ASB14: variants seen among roughly 807,000 people sequenced by gnomAD.
The protein encoded by ASB14 is ankyrin repeat and SOCS box protein 14.
In ASB14, 63 loss-of-function variants were observed where a neutral mutation model predicts 55.6. That is an observed-to-expected ratio of 1.13 (90% CI 0.92 to 1.40). The LOEUF (loss-of-function observed/expected upper bound fraction) is 1.40, where lower values mean the gene tolerates loss of function less well. Among genes scored for constraint, ASB14 ranks in the 40% most tolerant of loss-of-function variants. The pLI is 0.00. For missense variants in ASB14, 724 were observed against 710.4 expected, an observed-to-expected ratio of 1.02 and a Z score of -0.22; for synonymous variants, 256 against 259.9, an observed-to-expected ratio of 0.98 and a Z score of 0.15.
intron 5 of ASB14, among the ~76,000 whole-genome samples, chr3:57,284,352 A>G (rs1434941772): frequency 6.6e-6 from 1 of 151,844 alleles, no homozygotes. Context: ...CTGGTCTTAA[A>G]CCCCTGGGTT....
Position 57,278,655 on chromosome 3 carries a change from C to CT in ASB14, c.1152dup (p.Asp385ArgfsTer4). On this transcript the variant is annotated frameshift_variant, in exon 8 of 11. Transcript: ENST00000487349. LOFTEE classifies it high-confidence loss of function. ...GCTATCTGGAGGCAGTTAACCGGGT[C>CT]TTGATTAGGCAGAGCTCCAGCACTC... is the stretch of plus-strand genomic sequence containing the variant. 2 of 1,614,154 alleles carry CT rather than the reference C, an allele frequency of 1.2e-6. No individual in the cohort carries two copies. Among genetic ancestry groups the CT allele is most frequent in the Non-Finnish European group, 1.7e-6 (2 of 1,180,034 alleles).
chr3:57,268,429 T>A lies in ASB14; in HGVS notation c.*1212A>T, dbSNP rs948238422. On this transcript the variant is annotated 3_prime_UTR_variant, in exon 11 of 11. Coordinates refer to ENST00000487349, the MANE Select transcript of ASB14 (RefSeq NM_001142733.3). ...AGGGCATCAGAAAAACAAAAAGAAATAGAGAGAGTAAAAGAGAAGCAACAG... is the reference window on the plus strand; with the variant it reads ...AGGGCATCAGAAAAACAAAAAGAAAAAGAGAGAGTAAAAGAGAAGCAACAG... 3.1e-6 allele frequency: 5 copies of A among 1,600,246 alleles called. No homozygotes were observed. The highest frequency in any genetic ancestry group is 4.3e-6 in the Non-Finnish European group (5 of 1,172,142).
At chr3:57,283,656 A>G (rs2061056192) in intron 5 of ASB14, among the ~76,000 whole-genome samples, 2 of 152,226 alleles carry the variant, frequency 1.3e-5, no homozygotes, top group African/African-American at 2.4e-5. Context: ...TCTGTAAGCC[A>G]TGAGTAATTA....
At chr3:57,272,082 C>G (rs987771086) in intron 10 of ASB14, 5 of 152,146 alleles carry the variant, frequency 3.3e-5, no homozygotes, top group African/African-American at 7.2e-5. Flanking sequence ...TTTGGGATAT[C>G]TTTTCTCACA....
chr3:57,288,997 C>T (rs775980581), intron 3 of ASB14, 71 bp downstream of exon 3: 111 of 1,214,680 alleles, frequency 9.1e-5, no homozygotes, highest in Middle Eastern at 1.9e-4. Context: ...GGATTACAGG[C>T]GTGAGCCACT....
intron 8 of ASB14, 110 bp downstream of exon 8, chr3:57,278,267 G>A (rs1366476964): frequency 1.5e-5 from 11 of 738,764 alleles, no homozygotes; most frequent in South Asian, 6.7e-5. Context: ...ATTATACTAG[G>A]ATCTCTTCAA....
chr3:57,268,676 T>TA lies in ASB14; in HGVS notation c.*964dup. On this transcript the variant is annotated 3_prime_UTR_variant, in exon 11 of 11. Coordinates refer to ENST00000487349, the MANE Select transcript of ASB14 (RefSeq NM_001142733.3). ...TTTGATATGATGTTTACATTATAGT[T>TA]ACGTTGACATGTAATATGACTGTTT... 1 of 443,084 alleles carries TA rather than the reference T, an allele frequency of 2.3e-6. No homozygotes were observed. Among genetic ancestry groups the TA allele is most frequent in the South Asian group, 7.3e-5 (1 of 13,608 alleles). 27.4% of individuals were successfully genotyped at this position (443,084 alleles called of 1,614,324 possible).
rs570963141 is a variant in ASB14, at chr3:57,287,057, A to G, written c.469+844T>C. Among the ~76,000 whole-genome samples, 5 of 152,312 alleles carry G rather than the reference A, an allele frequency of 3.3e-5. No individual in the cohort carries two copies. In the East Asian group the frequency reaches 7.7e-4, roughly 23 times the overall value. On this transcript the variant is annotated intron_variant, in intron 5 of 10. Coordinates refer to ENST00000487349, the MANE Select transcript of ASB14 (RefSeq NM_001142733.3). ...TGTTCTTATTAAAATGGTTTCTCTGAGGAAGTTAATGACAATTTCCCTTTA... is the reference window on the plus strand; with the variant it reads ...TGTTCTTATTAAAATGGTTTCTCTGGGGAAGTTAATGACAATTTCCCTTTA...
chr3:57,288,192 C>T lies in ASB14; in HGVS notation c.273G>A (p.Val91=), dbSNP rs371309867. The T allele has an allele frequency of 6.5e-6, 10 of 1,536,884 alleles. No individual in the cohort carries two copies. The African/African-American group carries it at 1.2e-4, about 19-fold the overall frequency. The change falls in exon 4 of 11, where the codon GTG becomes GTA. Residue 91 remains valine, a synonymous_variant. Coordinates refer to ENST00000487349, the MANE Select transcript of ASB14 (RefSeq NM_001142733.3). Reference sequence around the variant, plus strand: ...TTTCCAAAATTTTCCTATTTAATTGCACTGCAGCCTTATGCAGAGGAATCC... The same window carrying T: ...TTTCCAAAATTTTCCTATTTAATTGTACTGCAGCCTTATGCAGAGGAATCC... The part of the protein sequence containing the change: ...IGWIPLHKAA[V]QLNRKILEIT...
intron 2 of ASB14, 41 bp from the exon 3 acceptor site, chr3:57,289,164 A>G (rs769183034): frequency 3.0e-6 from 4 of 1,324,618 alleles, no homozygotes; most frequent in Non-Finnish European, 2.1e-6. Context: ...AAAACTGAGG[A>G]GAAAAAACTG....
intron 10 of ASB14, among the ~76,000 whole-genome samples, chr3:57,274,640 T>C (rs1384772817): frequency 6.6e-6 from 1 of 152,110 alleles, no homozygotes; most frequent in African/African-American, 2.4e-5. Context: ...TGAGCTGAGA[T>C]TGCACCACCA....
rs2060919384 is a variant in ASB14 at position 57,269,450 on chromosome 3, A to AAAATT, written c.*190_*191insAATTT. The AAAATT allele has an allele frequency of 7.4e-7, 1 of 1,344,548 alleles. No homozygotes were observed. The highest frequency in any genetic ancestry group is 1.5e-5 in the African/African-American group (1 of 67,578). The allele number at this position is 1,344,548 out of a possible 1,614,324, so 83.3% of individuals were successfully genotyped here. A position where few individuals can be genotyped will look rare whatever the true frequency, so the allele number is the denominator to read the frequency against. ...AGTATGCATACATATTTATGACAGA[A>AAAATT]GAAGTGGCTCTCAAGAATGTATCTT... On this transcript the variant is annotated 3_prime_UTR_variant, in exon 11 of 11. Coordinates refer to ENST00000487349, the MANE Select transcript of ASB14 (RefSeq NM_001142733.3).
intron 10 of ASB14, among the ~76,000 whole-genome samples, chr3:57,274,318 C>T (rs1409815006): frequency 6.6e-6 from 1 of 152,188 alleles, no homozygotes; most frequent in South Asian, 2.1e-4. Context: ...GATATGGCTT[C>T]TAAATGTGAC....
intron 10 of ASB14, chr3:57,270,166 C>T (rs1271364717): frequency 6.5e-6 from 1 of 152,788 alleles, no homozygotes; most frequent in African/African-American, 2.4e-5. Context: ...AATATTTTAA[C>T]AATATTAAAT....
chr3:57,280,266 G>C, intron 7 of ASB14, 36 bp downstream of exon 7: 4 of 1,390,536 alleles, frequency 2.9e-6, no homozygotes, highest in Non-Finnish European at 3.9e-6. Context: ...AGCTATTACT[G>C]TTTTTATTAT....
chr3:57,292,376 G>C (rs555262526), intron 1 of ASB14, among the ~76,000 whole-genome samples: 1 of 152,144 alleles, frequency 6.6e-6, no homozygotes, highest in Non-Finnish European at 1.5e-5. Flanking sequence ...ACTTGGCTGT[G>C]AGTCTTTCAC....
intron 10 of ASB14, chr3:57,270,459 G>A (rs974960614): frequency 2.6e-5 from 4 of 152,612 alleles, no homozygotes; most frequent in African/African-American, 7.2e-5. Flanking sequence ...TTTATTAAAA[G>A]ATTTTTGTTC....
intron 2 of ASB14, among the ~76,000 whole-genome samples, chr3:57,289,685 TTC>T (rs1345131906): frequency 7.9e-6 from 1 of 125,972 alleles, no homozygotes; most frequent in Non-Finnish European, 1.6e-5. Flanking sequence ...TCACCTTCCA[TTC>T]TTTTTTTTTT....
intron 2 of ASB14, among the ~76,000 whole-genome samples, chr3:57,289,687 C>CT (rs34419265): frequency 0.018 from 1,798 of 100,216 alleles, 72 homozygotes; most frequent in African/African-American, 0.022. Context: ...ACCTTCCATT[C>CT]TTTTTTTTTT....
Sources: gnomAD v4.1 joint callset for allele counts (sites outside exome capture counted in the v4.1 genomes callset) on GRCh38, gnomAD v4.1.1 for gene constraint, MANE v1.5 for transcripts, NCBI Gene and HGNC (gene_info 2026-07-23, HGNC 2026-07-21) for gene names.